The following INPP4B variants were observed in gnomAD, a reference collection of about 807,000 sequenced individuals.
INPP4B encodes the protein inositol polyphosphate-4-phosphatase type II B.
In INPP4B, 55 loss-of-function variants were observed where a neutral mutation model predicts 122.5. The observed-to-expected ratio is 0.45, with a 90% CI of 0.36 to 0.56. The LOEUF is 0.56. INPP4B is among the 20% of genes least tolerant of loss of function. The probability of loss-of-function intolerance (pLI) is 0.00; values close to 1 mark genes in which losing one functional copy is unlikely to be tolerated. For missense variants in INPP4B, 1,000 were observed against 1,097.7 expected (o/e 0.91, Z 1.26); for synonymous variants, 403 against 388.7 (o/e 1.04, Z -0.43).
intron 3 of INPP4B, among the ~76,000 whole-genome samples, chr4:142,451,475 T>C (rs1251219793): frequency 1.3e-5 from 2 of 152,000 alleles, no homozygotes; most frequent in Non-Finnish European, 2.9e-5. Flanking sequence ...GGTCTCAAAC[T>C]CCTGACTTCA....
chr4:142,483,181 G>GTTTTTTTTTTTTTTT (rs1231258221), intron 2 of INPP4B, among the ~76,000 whole-genome samples: 1 of 72,396 alleles, frequency 1.4e-5, no homozygotes, highest in South Asian at 4.5e-4. Context: ...GTCAGGCTAT[G>GTTTTTTTTTTTTTTT]CTTTTTTTTT....
intron 1 of INPP4B, among the ~76,000 whole-genome samples, chr4:142,825,765 G>A (rs559288479): frequency 2.0e-5 from 3 of 152,020 alleles, no homozygotes; most frequent in African/African-American, 7.2e-5. Context: ...GAATAGAAGA[G>A]TGCTCTGAAA....
intron 1 of INPP4B, among the ~76,000 whole-genome samples, chr4:142,825,334 T>A (rs1781325331): frequency 6.6e-6 from 1 of 152,142 alleles, no homozygotes; most frequent in South Asian, 2.1e-4. Context: ...ATCACAAAAT[T>A]TGAATGTTTT....
chr4:142,542,370 A>G (rs1226684196), intron 2 of INPP4B, among the ~76,000 whole-genome samples: 1 of 152,206 alleles, frequency 6.6e-6, no homozygotes, highest in African/African-American at 2.4e-5. Context: ...CATTGATACA[A>G]TAATCAAAAA....
chr4:142,333,035 A>C (rs1379239183), intron 7 of INPP4B, among the ~76,000 whole-genome samples: 8 of 151,294 alleles, frequency 5.3e-5, no homozygotes, highest in African/African-American at 1.7e-4. Flanking sequence ...AAACAAAAAA[A>C]AAACCTTCTA....
intron 2 of INPP4B, among the ~76,000 whole-genome samples, chr4:142,586,232 A>C (rs576870428): frequency 8.5e-4 from 130 of 152,144 alleles, no homozygotes; most frequent in African/African-American, 3.0e-3. Context: ...AAATTGTTTG[A>C]GCCCAGGGAG....
intron 2 of INPP4B, among the ~76,000 whole-genome samples, chr4:142,549,663 T>G (rs1352588819): frequency 6.6e-6 from 1 of 152,080 alleles, no homozygotes; most frequent in Non-Finnish European, 1.5e-5. Context: ...CCCTCAACTA[T>G]CCTATTTTAA....
chr4:142,075,290 A>T (rs1026130933), intron 25 of INPP4B, among the ~76,000 whole-genome samples: 2 of 151,898 alleles, frequency 1.3e-5, no homozygotes, highest in Admixed American at 1.3e-4. Flanking sequence ...CTGACACATT[A>T]ATTACAGGAT....
intron 2 of INPP4B, among the ~76,000 whole-genome samples, chr4:142,671,345 C>T (rs1014653238): frequency 2.0e-5 from 3 of 152,184 alleles, no homozygotes; most frequent in Admixed American, 6.6e-5. Flanking sequence ...TATGACCCAA[C>T]TTTCCTTTGC....
chr4:142,167,691 A>G (rs2152929650), intron 16 of INPP4B, among the ~76,000 whole-genome samples: 1 of 151,904 alleles, frequency 6.6e-6, no homozygotes, highest in Non-Finnish European at 1.5e-5. Context: ...CTACACTAGT[A>G]TGTTACAAAG....
intron 2 of INPP4B, among the ~76,000 whole-genome samples, chr4:142,517,722 A>T (rs1413016979): frequency 6.6e-6 from 1 of 152,168 alleles, no homozygotes; most frequent in African/African-American, 2.4e-5. Context: ...TTCCATTGAA[A>T]GAGATGTAAG....
At chr4:142,583,769 T>G (rs1312481614) in intron 2 of INPP4B, 1 of 152,198 alleles carries the variant, frequency 6.6e-6, no homozygotes, top group Non-Finnish European at 1.5e-5. Flanking sequence ...ATTACTTGGC[T>G]TATAAAGTAA....
chr4:142,207,655 G>T (rs1225353125), intron 14 of INPP4B, among the ~76,000 whole-genome samples: 1 of 152,084 alleles, frequency 6.6e-6, no homozygotes, highest in Admixed American at 6.6e-5. Context: ...GGAAGCGAGG[G>T]TATCATTAAT....
At chr4:142,369,802 G>A (rs1490448095) in intron 7 of INPP4B, among the ~76,000 whole-genome samples, 2 of 150,806 alleles carry the variant, frequency 1.3e-5, no homozygotes, top group Non-Finnish European at 3.0e-5. Flanking sequence ...GTGGTGGTGG[G>A]TACCTGTAAT....
At position 142,123,301 on chromosome 4, in the gene INPP4B, T is replaced by C; in HGVS notation, c.2008A>G (p.Ser670Gly). Reference sequence around the variant, plus strand: ...CTAAAGCAATACTCACTGTATGTACTTAGCAGTCCTTCATATTGTACTATC... The same window carrying C: ...CTAAAGCAATACTCACTGTATGTACCTAGCAGTCCTTCATATTGTACTATC... Reference protein sequence around the residue: ...GLIVQYEGLLSTYSDEIGMLE... With the variant: ...GLIVQYEGLLGTYSDEIGMLE... Residue 670 changes from serine to glycine, a missense_variant, in exon 20 of 26, where the codon AGT becomes GGT. Coordinates refer to ENST00000262992, the MANE Select transcript of INPP4B (RefSeq NM_001101669.3). The C allele has an allele frequency of 6.2e-7, 1 of 1,611,598 alleles. No individual in the cohort carries two copies.
chr4:142,443,262 C>T (rs1450320441), intron 3 of INPP4B, among the ~76,000 whole-genome samples: 1 of 152,136 alleles, frequency 6.6e-6, no homozygotes, highest in Non-Finnish European at 1.5e-5. Flanking sequence ...TTATGGACCT[C>T]ACCCAAATGC....
At chr4:142,225,592 ATTGT>A (rs1159347264) in intron 12 of INPP4B, among the ~76,000 whole-genome samples, 2 of 150,568 alleles carry the variant, frequency 1.3e-5, no homozygotes, top group Non-Finnish European at 3.0e-5. Context: ...CTTTAAGTTC[ATTGT>A]TTGGAATATT....
At chr4:142,595,583 G>A (rs1463971464) in intron 2 of INPP4B, among the ~76,000 whole-genome samples, 1 of 152,148 alleles carries the variant, frequency 6.6e-6, no homozygotes, top group Non-Finnish European at 1.5e-5. Flanking sequence ...TTTTTGAGAA[G>A]AAGAGAGAGT....
intron 2 of INPP4B, among the ~76,000 whole-genome samples, chr4:142,502,453 G>C (rs1580226687): frequency 6.6e-6 from 1 of 152,126 alleles, no homozygotes; most frequent in East Asian, 1.9e-4. Context: ...AATTTTGTCT[G>C]CAACTTCTGT....
Sources: gnomAD v4.1 joint callset for allele counts (sites outside exome capture counted in the v4.1 genomes callset) on GRCh38, gnomAD v4.1.1 for gene constraint, MANE v1.5 for transcripts, NCBI Gene and HGNC (gene_info 2026-07-23, HGNC 2026-07-21) for gene names.